GPHN: variants seen among roughly 807,000 people sequenced by gnomAD.
GPHN encodes gephyrin.
A neutral mutation model predicts 95.5 loss-of-function variants in GPHN; 17 were observed. That is an observed-to-expected ratio of 0.18 (90% CI 0.12 to 0.27). The LOEUF (loss-of-function observed/expected upper bound fraction) is 0.27. Ranked by LOEUF, GPHN falls within the 10% of genes least tolerant of loss-of-function variation. GPHN has a pLI of 1.00. For missense variants in GPHN, 660 were observed against 978.1 expected (o/e 0.67, Z 4.34); for synonymous variants, 320 against 322.5 (o/e 0.99, Z 0.08).
At chr14:67,601,138 A>G in the GPHN span, among the ~76,000 whole-genome samples, 2 of 152,144 alleles carry the variant, frequency 1.3e-5, no homozygotes, top group African/African-American at 4.8e-5. Flanking sequence ...TGGACTGAGG[A>G]CTTTACATAG....
chr14:67,729,654 C>T, the GPHN span: 12 of 599,320 alleles, frequency 2.0e-5, no homozygotes, highest in African/African-American at 3.7e-5. Context: ...AGAAGACTGT[C>T]GCTGTTGGTT....
chr14:66,773,512 C>T (rs1449589977), intron 2 of GPHN, among the ~76,000 whole-genome samples: 1 of 151,984 alleles, frequency 6.6e-6, no homozygotes, highest in Non-Finnish European at 1.5e-5. Flanking sequence ...CGCCACCACG[C>T]CCAGCTAATT....
intron 1 of GPHN, among the ~76,000 whole-genome samples, chr14:66,570,266 A>T (rs572437627): frequency 6.7e-6 from 1 of 148,664 alleles, no homozygotes; most frequent in African/African-American, 2.5e-5. Context: ...GGGAGTGCAG[A>T]TATCTATTTG....
At chr14:66,763,575 A>AT (rs1468114747) in intron 2 of GPHN, among the ~76,000 whole-genome samples, 3 of 151,456 alleles carry the variant, frequency 2.0e-5, no homozygotes, top group Non-Finnish European at 4.4e-5. Flanking sequence ...TGAACTCATC[A>AT]TTTTTTATGG....
At chr14:67,320,474 A>T in the GPHN span, 4 of 1,345,378 alleles carry the variant, frequency 3.0e-6, no homozygotes, top group Non-Finnish European at 3.9e-6. Context: ...ATGTAGGGAA[A>T]TTTTTTATTC....
chr14:66,590,363 A>G (rs1333933243), intron 1 of GPHN, among the ~76,000 whole-genome samples: 1 of 152,188 alleles, frequency 6.6e-6, no homozygotes, highest in Non-Finnish European at 1.5e-5. Context: ...AAATCAATGA[A>G]TCAGGAGTTG....
chr14:67,210,264 T>C, the GPHN span, among the ~76,000 whole-genome samples: 2 of 151,996 alleles, frequency 1.3e-5, no homozygotes, highest in South Asian at 4.1e-4. Flanking sequence ...CAGAACCCCA[T>C]TAGAAAAAGC....
At chr14:66,934,438 T>G (rs2153568577) in intron 8 of GPHN, among the ~76,000 whole-genome samples, 1 of 152,324 alleles carries the variant, frequency 6.6e-6, no homozygotes, top group East Asian at 1.9e-4. Flanking sequence ...TTCCCAGTCA[T>G]GTAGTTTGGG....
chr14:66,931,988 T>G lies in GPHN; in HGVS notation c.828+7696T>G, dbSNP rs2066822686. Among the ~76,000 whole-genome samples the G allele has an allele frequency of 2.0e-5, 3 of 152,222 alleles. No individual in the cohort carries two copies. In the South Asian group the frequency reaches 6.2e-4, roughly 31 times the overall value. ...AGTCTAGGCTTGTTTGTACCCATCC[T>G]TCTTGGGAAGGCTTTCCAAATACTC... On this transcript the variant is annotated intron_variant, in intron 8 of 22. Transcript: ENST00000478722.
chr14:67,240,942 A>G, the GPHN span, among the ~76,000 whole-genome samples: 1,210 of 152,366 alleles, frequency 7.9e-3, 13 homozygotes, highest in African/African-American at 0.028. Context: ...CTAACTTGAC[A>G]GGACATGAGG....
the GPHN span, among the ~76,000 whole-genome samples, chr14:67,632,504 T>C: frequency 2.8e-4 from 43 of 152,274 alleles, no homozygotes; most frequent in African/African-American, 9.1e-4. Context: ...TTCTCATATC[T>C]TAACACAGGA....
At chr14:66,684,480 A>C (rs1225941638) in intron 2 of GPHN, among the ~76,000 whole-genome samples, 2 of 152,194 alleles carry the variant, frequency 1.3e-5, no homozygotes, top group Non-Finnish European at 2.9e-5. Flanking sequence ...ACTGCATCAG[A>C]GATTGAAAGT....
chr14:67,035,640 C>T (rs1031064397), intron 10 of GPHN, among the ~76,000 whole-genome samples: 7 of 151,776 alleles, frequency 4.6e-5, no homozygotes, highest in African/African-American at 1.7e-4. Context: ...TGGATAAATT[C>T]CTAGAAACAC....
intron 2 of GPHN, among the ~76,000 whole-genome samples, chr14:66,686,858 G>A (rs1280548641): frequency 1.3e-5 from 2 of 152,078 alleles, no homozygotes; most frequent in African/African-American, 4.8e-5. Flanking sequence ...TCCAGTTTTT[G>A]CCCATTCAGT....
At chr14:66,805,675 C>G (rs1045519562) in intron 3 of GPHN, among the ~76,000 whole-genome samples, 1 of 152,168 alleles carries the variant, frequency 6.6e-6, no homozygotes, top group Non-Finnish European at 1.5e-5. Flanking sequence ...GCAAGGCAGT[C>G]AAATCTTTAA....
At chr14:67,343,251 G>A in the GPHN span, 2 of 688,924 alleles carry the variant, frequency 2.9e-6, no homozygotes, top group Non-Finnish European at 2.4e-6. Flanking sequence ...TTTGCACTGT[G>A]GGCAAGGGAA....
intron 8 of GPHN, among the ~76,000 whole-genome samples, chr14:66,932,477 T>TC (rs2066876894): frequency 7.2e-6 from 1 of 139,006 alleles, no homozygotes; most frequent in African/African-American, 2.7e-5. Flanking sequence ...TTTTTTTTTT[T>TC]TTTCAGTGCA....
intron 10 of GPHN, among the ~76,000 whole-genome samples, chr14:67,026,722 A>G (rs959041592): frequency 5.9e-5 from 9 of 152,122 alleles, no homozygotes; most frequent in African/African-American, 1.9e-4. Flanking sequence ...GGCTCACTGC[A>G]GGCTCCGCCT....
chr14:67,020,102 ATCT>A (rs1419217175), intron 9 of GPHN, among the ~76,000 whole-genome samples: 2 of 152,108 alleles, frequency 1.3e-5, no homozygotes, highest in African/African-American at 2.4e-5. Context: ...CACAGATTAA[ATCT>A]TCTGTGTCTT....
Sources: gnomAD v4.1 joint callset for allele counts (sites outside exome capture counted in the v4.1 genomes callset) on GRCh38, gnomAD v4.1.1 for gene constraint, MANE v1.5 for transcripts, NCBI Gene and HGNC (gene_info 2026-07-23, HGNC 2026-07-21) for gene names.